USP16: variants seen among roughly 807,000 people sequenced by gnomAD.
The protein encoded by USP16 is ubiquitin specific peptidase 16.
In USP16, 77 loss-of-function variants were observed where a neutral mutation model predicts 95.9. The observed-to-expected ratio is 0.80, with a 90% CI of 0.67 to 0.97. The LOEUF (loss-of-function observed/expected upper bound fraction) is 0.97. Among genes scored for constraint, USP16 ranks in the 50% least tolerant of loss-of-function variants. The pLI is 0.00. For synonymous variants in USP16, 303 were observed against 318.2 expected, an observed-to-expected ratio of 0.95 and a Z score of 0.51; for missense variants, 943 against 959.9, an observed-to-expected ratio of 0.98 and a Z score of 0.23.
intron 4 of USP16, among the ~76,000 whole-genome samples, chr21:29,035,938 A>G (rs187939417): frequency 6.6e-6 from 1 of 151,906 alleles, no homozygotes; most frequent in East Asian, 2.0e-4. Flanking sequence ...AAAAAACAAA[A>G]CAAACAAAAA....
chr21:29,053,367 TC>T (rs532933057), intron 16 of USP16: 54 of 156,904 alleles, frequency 3.4e-4, no homozygotes, highest in Admixed American at 1.3e-3. Context: ...TCTCACCAAC[TC>T]CCTTGGGGAC....
chr21:29,042,537 A>C lies in USP16; in HGVS notation c.1179+9A>C. On this transcript the variant is annotated intron_variant, in intron 12 of 17. Transcript: ENST00000399976. ...CAGTTTTAGATGATCAGGTAAGACT[A>C]TTGAATTTATTTTATTCAAGTAGAT... The C allele has an allele frequency of 6.3e-7, 1 of 1,588,590 alleles. No individual in the cohort carries two copies. The highest frequency in any genetic ancestry group is 8.5e-7 in the Non-Finnish European group (1 of 1,170,908).
Position 29,048,798 on chromosome 21 carries a change from G to C in USP16, c.2049G>C (p.Gln683His). The change falls in exon 15 of 18, where the codon CAG becomes CAC. Residue 683 changes from glutamine (Q) to histidine (H), a missense_variant. Gln to His is a conservative substitution (Grantham distance 24, BLOSUM62 0). Transcript: ENST00000399976. ...ATGTTTACACCAATGCCAAAAAGCA[G>C]ATGCTAATTTCTCTTGCTCCTCCTG... The part of the protein sequence containing the change: ...RKHVYTNAKK[Q>H]MLISLAPPVL... The C allele has an allele frequency of 6.2e-7, 1 of 1,613,818 alleles. No homozygotes were observed. Among genetic ancestry groups the C allele is most frequent in the Non-Finnish European group, 8.5e-7 (1 of 1,179,932 alleles).
At chr21:29,050,218 T>G in intron 16 of USP16, 40 bp downstream of exon 16, 1 of 1,587,546 alleles carries the variant, frequency 6.3e-7, no homozygotes, top group Non-Finnish European at 8.6e-7. Context: ...TCCTTTAAAG[T>G]CAAATTGTGG....
chr21:29,026,762 C>T (rs1005661739), intron 1 of USP16: 4 of 151,856 alleles, frequency 2.6e-5, no homozygotes, highest in Non-Finnish European at 5.9e-5. Context: ...TGAAATGCCT[C>T]TATTTAAAGT....
chr21:29,037,717 C>T (rs1328254969), intron 6 of USP16, among the ~76,000 whole-genome samples: 1 of 151,202 alleles, frequency 6.6e-6, no homozygotes, highest in Non-Finnish European at 1.5e-5. Context: ...TCCAGAGTAG[C>T]TGGGACTACA....
At chr21:29,049,005 A>G (rs2085373310) in intron 15 of USP16, 150 bp downstream of exon 15, 5 of 652,708 alleles carry the variant, frequency 7.7e-6, no homozygotes, top group Admixed American at 2.9e-5. Context: ...AGGGAAAAAC[A>G]TAGGGGCTAG....
intron 1 of USP16, 88 bp from the exon 2 acceptor site, chr21:29,027,785 A>G: frequency 3.5e-6 from 3 of 848,160 alleles, no homozygotes; most frequent in Non-Finnish European, 3.9e-6. Flanking sequence ...CATGCATAAT[A>G]TACGTGGCTT....
Position 29,042,099 on chromosome 21 carries a change from A to G in USP16, c.1117A>G (p.Arg373Gly), listed in dbSNP as rs201674842. The G allele has an allele frequency of 7.0e-5, 113 of 1,611,686 alleles. No homozygotes were observed. The highest frequency in any genetic ancestry group is 7.6e-6 in the Non-Finnish European group (9 of 1,178,842). ...TAGTATGATCATGTGTGATCAATGC[A>G]GAACTGTAAGTAGATGTCATGTATA... ...LTSMIMCDQCRTVSLVHESFL... is the reference protein window; with the variant it reads ...LTSMIMCDQCGTVSLVHESFL... The change falls in exon 11 of 18, where the codon AGA (arginine) becomes GGA (glycine). Residue 373 changes from arginine (R) to glycine (G), a missense_variant. Arg to Gly is a moderately radical substitution (Grantham distance 125). Coordinates refer to ENST00000399976, the MANE Select transcript of USP16 (RefSeq NM_006447.3).
chr21:29,038,351 C>T lies in USP16; in HGVS notation c.653C>T (p.Pro218Leu), dbSNP rs1294790239. 1 of 1,609,326 alleles carries T rather than the reference C, an allele frequency of 6.2e-7. No homozygotes were observed. The highest frequency in any genetic ancestry group is 1.3e-5 in the African/African-American group (1 of 74,738). ...ACATTCTAGAACTTGTCACAAACAC[C>T]AGTGCTTAGAGAACTACTAAAAGAA... is the stretch of plus-strand genomic sequence containing the variant. ...NAVMQNLSQT[P>L]VLRELLKEVK... is the part of the protein sequence containing the mutation. The change falls in exon 7 of 18, where the codon CCA (proline) becomes CTA (leucine). Residue 218 changes from proline to leucine, a missense_variant. Coordinates refer to ENST00000399976, the MANE Select transcript of USP16 (RefSeq NM_006447.3).
Position 29,038,425 on chromosome 21 carries a change from T to G in USP16, c.727T>G (p.Leu243Val). The G allele has an allele frequency of 1.2e-6, 2 of 1,609,730 alleles. No individual in the cohort carries two copies. The highest frequency in any genetic ancestry group is 1.7e-6 in the Non-Finnish European group (2 of 1,176,740). The part of the protein sequence containing the change: ...IVKIEPPDLA[L>V]TEPLEINLEP... ...AAAAATTGAACCACCTGATTTGGCA[T>G]TAACAGTATGTTCTTTAAACTTTTC... is the stretch of plus-strand genomic sequence containing the variant. Residue 243 changes from leucine to valine, a missense_variant, in exon 7 of 18, where the codon TTA becomes GTA. By Grantham distance (32) the Leu-to-Val change is conservative (BLOSUM62 1). Coordinates refer to ENST00000399976, the MANE Select transcript of USP16 (RefSeq NM_006447.3).
At chr21:29,049,808 G>A (rs904953657) in intron 15 of USP16, among the ~76,000 whole-genome samples, 7 of 152,146 alleles carry the variant, frequency 4.6e-5, no homozygotes, top group Admixed American at 1.3e-4. Context: ...TGATCCTCCT[G>A]CCTCAGCTTC....
intron 2 of USP16, among the ~76,000 whole-genome samples, chr21:29,030,101 G>A (rs2085055796): frequency 6.6e-6 from 1 of 151,790 alleles, no homozygotes; most frequent in Non-Finnish European, 1.5e-5. Flanking sequence ...CCATGTTTCG[G>A]AGATTCTTAT....
chr21:29,042,354 A>T, intron 11 of USP16, 118 bp from the exon 12 acceptor site: 2 of 1,066,276 alleles, frequency 1.9e-6, no homozygotes, highest in Non-Finnish European at 2.7e-6. Flanking sequence ...AAATTTTCTT[A>T]AGCCTTTGTT....
chr21:29,050,016 C>A, intron 15 of USP16, 76 bp from the exon 16 acceptor site: 1 of 1,290,872 alleles, frequency 7.7e-7, no homozygotes, highest in Non-Finnish European at 1.1e-6. Flanking sequence ...TTTTGGACGT[C>A]GGAGGGGACT....
intron 7 of USP16, 70 bp downstream of exon 7, chr21:29,038,500 T>C: frequency 8.9e-7 from 1 of 1,119,538 alleles, no homozygotes; most frequent in Non-Finnish European, 1.3e-6. Context: ...TTATTTTAAA[T>C]AACTGACACT....
intron 2 of USP16, among the ~76,000 whole-genome samples, chr21:29,029,330 G>A (rs1005549564): frequency 1.3e-5 from 2 of 152,088 alleles, no homozygotes; most frequent in Admixed American, 6.6e-5. Flanking sequence ...GGAGAATGGC[G>A]TGAACCTGGG....
Position 29,043,543 on chromosome 21 carries a change from G to A in USP16, c.1300G>A (p.Gly434Arg). The A allele has an allele frequency of 6.3e-7, 1 of 1,595,946 alleles. No homozygotes were observed. ...YIKERSDIPS[G>R]TSKHLQKKAK... ...AAAAGAGAGAAGTGATATTCCTTCT[G>A]GAACAAGTAAGCACTTACAGAAAAA... Residue 434 changes from glycine (G) to arginine (R), a missense_variant, in exon 13 of 18, where the codon GGA becomes AGA. Coordinates refer to ENST00000399976, the MANE Select transcript of USP16 (RefSeq NM_006447.3).
intron 13 of USP16, among the ~76,000 whole-genome samples, chr21:29,044,447 C>CTT (rs5843364): frequency 7.8e-4 from 94 of 120,542 alleles, no homozygotes; most frequent in South Asian, 2.6e-3. Flanking sequence ...CTTCTTCATT[C>CTT]TTTTTTTTTT....
Sources: allele counts gnomAD v4.1 joint callset (sites outside exome capture counted in the v4.1 genomes callset), GRCh38; gene constraint gnomAD v4.1.1; transcripts MANE v1.5; gene names NCBI Gene and HGNC (gene_info 2026-07-23, HGNC 2026-07-21).